The following MAMDC4 variants were observed in gnomAD, a reference collection of about 807,000 sequenced individuals.
The protein encoded by MAMDC4 is MAM domain containing 4.
A neutral mutation model predicts 153.3 loss-of-function variants in MAMDC4; 168 were observed. The observed-to-expected ratio is 1.10, with a 90% CI of 0.97 to 1.25. MAMDC4 has a LOEUF of 1.25. MAMDC4 is among the 50% of genes most tolerant of loss of function. MAMDC4 has a pLI of 0.00. For synonymous variants in MAMDC4, 744 were observed against 651.5 expected (o/e 1.14, Z -2.16); for missense variants, 1,701 against 1,542.8 (o/e 1.10, Z -1.72).
chr9:136,854,765 C>T lies in MAMDC4; in HGVS notation c.938C>T (p.Ser313Phe), dbSNP rs373389983. The change falls in exon 9 of 27, where the codon TCC becomes TTC. Residue 313 changes from serine (S) to phenylalanine (F), a missense_variant. By Grantham distance (155) the Ser-to-Phe change is radical. Coordinates refer to ENST00000317446, the MANE Select transcript of MAMDC4 (RefSeq NM_206920.3). ...CCACTCCCGTCCTTTCCCGCAGGCT[C>T]CTTCCTGGTCTCCGTGGCCGAGCCT... ...RDHSRNSAQG[S>F]FLVSVAEPGT... 16 of 1,612,782 alleles carry T rather than the reference C, an allele frequency of 9.9e-6. No individual in the cohort carries two copies. In the African/African-American group the frequency reaches 1.9e-4, roughly 19 times the overall value.
chr9:136,855,879 C>A (rs754466664), intron 13 of MAMDC4, 31 bp downstream of exon 13: 1 of 1,475,364 alleles, frequency 6.8e-7, no homozygotes, highest in East Asian at 2.5e-5. Context: ...CTCAAGCCCC[C>A]GCCCGGGTGT....
In MAMDC4 at chr9:136,858,200, A is replaced by G; in HGVS notation, c.2598A>G (p.Ala866=). The part of the protein sequence containing the change: ...AERAWRVVFE[A]VAAGVAHSYV... Reference sequence around the variant, plus strand: ...GCACCCGCCAGGTGGTGTTTGAGGCAGTGGCCGCAGGCGTGGCACACTCCT... The same window carrying G: ...GCACCCGCCAGGTGGTGTTTGAGGCGGTGGCCGCAGGCGTGGCACACTCCT... The change falls in exon 21 of 27, where the codon GCA becomes GCG. Residue 866 remains alanine, a synonymous_variant. Coordinates refer to ENST00000317446, the MANE Select transcript of MAMDC4 (RefSeq NM_206920.3). 1 of 1,592,604 alleles carries G rather than the reference A, an allele frequency of 6.3e-7. No homozygotes were observed. Among genetic ancestry groups the G allele is most frequent in the Non-Finnish European group, 8.5e-7 (1 of 1,174,212 alleles).
Position 136,856,110 on chromosome 9 carries a change from G to A in MAMDC4, c.1681G>A (p.Glu561Lys). ...CCTTGGCCCTTCTGGCCCCAGCTGT[G>A]AACTCCACCTGGCTTATTATTTACA... ...PLLGPSGPSC[E>K]LHLAYYLQSQ... The change falls in exon 14 of 27, where the codon GAA (glutamate) becomes AAA (lysine). Residue 561 changes from glutamate to lysine, a missense_variant. Transcript: ENST00000317446. The A allele has an allele frequency of 6.2e-7, 1 of 1,612,442 alleles. No homozygotes were observed. The highest frequency in any genetic ancestry group is 8.5e-7 in the Non-Finnish European group (1 of 1,179,874).
intron 1 of MAMDC4, 49 bp from the exon 2 acceptor site, chr9:136,853,053 T>A (rs1483463445): frequency 1.3e-6 from 2 of 1,514,456 alleles, no homozygotes; most frequent in Admixed American, 3.4e-5. Flanking sequence ...CAGGCTGGGA[T>A]GGCTGGTCAC....
chr9:136,853,439 C>T lies in MAMDC4; in HGVS notation c.309C>T (p.His103=). ...ALEGPGPHSD[H]TLGTDLGWYM... ...AGGGTCCTGGGCCTCACTCAGACCA[C>T]ACACTGGGCACCGACTTGGGTGAGG... The change falls in exon 3 of 27, where the codon CAC becomes CAT. Residue 103 remains histidine (H), a synonymous_variant. Transcript: ENST00000317446. 2 of 1,602,352 alleles carry T rather than the reference C, an allele frequency of 1.2e-6. No individual in the cohort carries two copies. Among genetic ancestry groups the T allele is most frequent in the Non-Finnish European group, 1.7e-6 (2 of 1,172,588 alleles).
intron 19 of MAMDC4, 30 bp from the exon 20 acceptor site, chr9:136,857,949 A>G: frequency 6.8e-7 from 1 of 1,481,128 alleles, no homozygotes; most frequent in Non-Finnish European, 8.9e-7. Context: ...CTCTCCCCAC[A>G]CTGCTGACCT....
Position 136,857,355 on chromosome 9 carries a change from C to T in MAMDC4, c.2107-12C>T, listed in dbSNP as rs765627921. ...GCAGGGCCCCTGGCCAGCTGACACC[C>T]TCCACCCCCAGCTGCTGTTCGAGGG... is the stretch of plus-strand genomic sequence containing the variant. On this transcript the variant is annotated splice_polypyrimidine_tract_variant and intron_variant, in intron 17 of 26. Coordinates refer to ENST00000317446, the MANE Select transcript of MAMDC4 (RefSeq NM_206920.3). 1.8e-5 allele frequency: 29 copies of T among 1,608,380 alleles called. No individual in the cohort carries two copies. Among genetic ancestry groups the T allele is most frequent in the South Asian group, 8.8e-5 (8 of 90,984 alleles).
Position 136,854,571 on chromosome 9 carries a change from C to A in MAMDC4, c.829C>A (p.Leu277Met), listed in dbSNP as rs771109435. The stretch of plus-strand genomic sequence containing the variant: ...CATAGCCACCGACTTTGAGACAGGC[C>A]TGGGCCCATGGAACCGCTCGGAAGG... ...RHIATDFETG[L>M]GPWNRSEGWS... The change falls in exon 8 of 27, where the codon CTG becomes ATG. Residue 277 changes from leucine (L) to methionine (M), a missense_variant. Transcript: ENST00000317446. 3.6e-5 allele frequency: 58 copies of A among 1,607,420 alleles called. No individual in the cohort carries two copies. The highest frequency in any genetic ancestry group is 4.9e-5 in the Non-Finnish European group (58 of 1,177,916).
In MAMDC4 at chr9:136,859,034, A is replaced by G; in HGVS notation, c.2986A>G (p.Ser996Gly). 6.4e-7 allele frequency: 1 copy of G among 1,550,752 alleles called. No homozygotes were observed. The highest frequency in any genetic ancestry group is 8.7e-7 in the Non-Finnish European group (1 of 1,146,620). The stretch of plus-strand genomic sequence containing the variant: ...GGGGGAGCTGAAGGTACTGCTGCAC[A>G]GTGCTCAGGGCCAGCTGGCTGTGTG... Reference protein sequence around the residue: ...YKGELKVLLHSAQGQLAVWGA... With the variant: ...YKGELKVLLHGAQGQLAVWGA... Residue 996 changes from serine (S) to glycine (G), a missense_variant, in exon 24 of 27, where the codon AGT (serine) becomes GGT (glycine). Coordinates refer to ENST00000317446, the MANE Select transcript of MAMDC4 (RefSeq NM_206920.3).
At chr9:136,859,460 G>T in intron 25 of MAMDC4, 143 bp downstream of exon 25, 1 of 765,846 alleles carries the variant, frequency 1.3e-6, no homozygotes, top group Non-Finnish European at 2.0e-6. Flanking sequence ...CCAGGCCCAG[G>T]CCCTGTGCCC....
intron 22 of MAMDC4, 86 bp from the exon 23 acceptor site, chr9:136,858,633 A>C: frequency 6.3e-7 from 1 of 1,594,876 alleles, no homozygotes; most frequent in East Asian, 2.2e-5. Context: ...CCCCATCCAG[A>C]GGAGGCCCTG....
In MAMDC4 at chr9:136,860,555, C is replaced by G. The variant is rs771868624; in HGVS notation, c.3373-7C>G. On this transcript the variant is annotated splice_polypyrimidine_tract_variant and splice_region_variant and intron_variant, in intron 26 of 26. Transcript: ENST00000317446. ...AAGAAAAAAAAAGCTCCTCTTCCTC[C>G]TCCTAGGATGGTGTCACCCTCCCGG... is the stretch of plus-strand genomic sequence containing the variant. The G allele has an allele frequency of 1.9e-6, 3 of 1,611,692 alleles. No individual in the cohort carries two copies. The highest frequency in any genetic ancestry group is 1.7e-6 in the Non-Finnish European group (2 of 1,179,714).
rs761548657 is a variant in MAMDC4 at position 136,854,918 on chromosome 9, C to A, written c.1024-19C>A. ...TGGCTGCCCCGGTGCAGGCCCCCAG[C>A]CAGCTCTTGGTTCCACAGCTGGTCT... On this transcript the variant is annotated intron_variant, in intron 9 of 26. Transcript: ENST00000317446. 1.9e-6 allele frequency: 3 copies of A among 1,612,322 alleles called. No homozygotes were observed. The highest frequency in any genetic ancestry group is 1.7e-5 in the Admixed American group (1 of 60,000).
In MAMDC4 at chr9:136,855,839, G is replaced by C. The variant is rs1022022363; in HGVS notation, c.1579G>C (p.Ala527Pro). The C allele has an allele frequency of 6.6e-7, 1 of 1,510,802 alleles. No individual in the cohort carries two copies. The highest frequency in any genetic ancestry group is 8.9e-7 in the Non-Finnish European group (1 of 1,128,514). 93.6% of individuals were successfully genotyped at this position (1,510,802 alleles called of 1,614,324 possible). ...CCAGGAGAGCCAGGGGTCCAGTGCA[G>C]CTGCTGCTGGTGAGGCCCAAGGCCC... is the stretch of plus-strand genomic sequence containing the variant. The part of the protein sequence containing the change: ...SAQESQGSSA[A>P]AAGHFLSLQR... Residue 527 changes from alanine (A) to proline (P), a missense_variant, in exon 13 of 27, where the codon GCT becomes CCT. Ala to Pro is a conservative substitution (Grantham distance 27). Coordinates refer to ENST00000317446, the MANE Select transcript of MAMDC4 (RefSeq NM_206920.3).
Position 136,857,254 on chromosome 9 carries a change from T to G in MAMDC4, c.2062T>G (p.Trp688Gly). The G allele has an allele frequency of 6.2e-7, 1 of 1,604,262 alleles. No homozygotes were observed. The highest frequency in any genetic ancestry group is 2.2e-5 in the East Asian group (1 of 44,456). ...CCAGGGCAACCGCTGGCACGAGGCC[T>G]GGGCCACCCTTTCCCACCAGCCTGG... Reference protein sequence around the residue: ...GTQGNRWHEAWATLSHQPGSH... With the variant: ...GTQGNRWHEAGATLSHQPGSH... The change falls in exon 17 of 27, where the codon TGG (tryptophan) becomes GGG (glycine). Residue 688 changes from tryptophan to glycine, a missense_variant. Trp to Gly is a radical substitution (Grantham distance 184, BLOSUM62 -2). Coordinates refer to ENST00000317446, the MANE Select transcript of MAMDC4 (RefSeq NM_206920.3).
At chr9:136,860,164 C>A (rs1849066386) in intron 26 of MAMDC4, 100 bp downstream of exon 26, 8 of 1,341,946 alleles carry the variant, frequency 6.0e-6, no homozygotes, top group East Asian at 5.0e-5. Context: ...GAGGAGCCCC[C>A]ACCTGTGCAA....
In MAMDC4 at chr9:136,856,164, C is replaced by T. The variant is rs947233407; in HGVS notation, c.1720+15C>T. On this transcript the variant is annotated intron_variant, in intron 14 of 26. Transcript: ENST00000317446. Reference sequence around the variant, plus strand: ...CCAGCCCCGAGGTACCGCCACACTCCGCAAGTTCCCTGGCCAGCCCCTGGG... The same window carrying T: ...CCAGCCCCGAGGTACCGCCACACTCTGCAAGTTCCCTGGCCAGCCCCTGGG... 1.7e-5 allele frequency: 28 copies of T among 1,611,610 alleles called. No individual in the cohort carries two copies. Among genetic ancestry groups the T allele is most frequent in the Middle Eastern group, 1.6e-4 (1 of 6,078 alleles).
rs753175825 is a variant in MAMDC4, at chr9:136,854,520, C to T, written c.797-19C>T. ...GAAGCACTGCCTGGTGGCCCTGACA[C>T]GCCCACCTCCTGCCCTAGGCCGCCA... On this transcript the variant is annotated intron_variant, in intron 7 of 26. Transcript: ENST00000317446. 112 of 1,594,466 alleles carry T rather than the reference C, an allele frequency of 7.0e-5. 1 individual carries two copies. The highest frequency in any genetic ancestry group is 5.0e-4 in the South Asian group (44 of 88,838).
intron 25 of MAMDC4, chr9:136,859,671 G>A (rs1264064822): frequency 2.8e-5 from 17 of 606,776 alleles, no homozygotes; most frequent in South Asian, 1.0e-4. Context: ...AAAGAATCTC[G>A]CCTGGGGCCA....
Sources: gnomAD v4.1 joint callset for allele counts on GRCh38, gnomAD v4.1.1 for gene constraint, MANE v1.5 for transcripts, NCBI Gene and HGNC (gene_info 2026-07-23, HGNC 2026-07-21) for gene names.